The following MINPP1 variants were observed in gnomAD, a reference collection of about 807,000 sequenced individuals.
The protein encoded by MINPP1 is multiple inositol polyphosphate phosphatase 1.
In MINPP1, 28 loss-of-function variants were observed where a neutral mutation model predicts 46.1. That is an observed-to-expected ratio of 0.61 (90% CI 0.45 to 0.83). The LOEUF (loss-of-function observed/expected upper bound fraction) is 0.83, where lower values mean the gene tolerates loss of function less well. Among genes scored for constraint, MINPP1 ranks in the 40% least tolerant of loss-of-function variants. The probability of loss-of-function intolerance (pLI) is 0.00; values close to 1 mark genes in which losing one functional copy is unlikely to be tolerated. For synonymous variants in MINPP1, 268 were observed against 249.1 expected (o/e 1.08, Z -0.72); for missense variants, 603 against 610.0 (o/e 0.99, Z 0.12).
intron 4 of MINPP1, among the ~76,000 whole-genome samples, chr10:87,534,507 A>G (rs2131829728): frequency 6.6e-6 from 1 of 152,248 alleles, no homozygotes; most frequent in African/African-American, 2.4e-5. Flanking sequence ...GTTATTCATT[A>G]TTTCTGCACA....
intron 4 of MINPP1, among the ~76,000 whole-genome samples, chr10:87,528,331 C>A (rs949452161): frequency 3.3e-5 from 5 of 152,156 alleles, no homozygotes; most frequent in African/African-American, 1.2e-4. Flanking sequence ...TTCCTGCTTT[C>A]TCTTGTGGGC....
In MINPP1 at chr10:87,527,003, G is replaced by T. The variant is rs1851586758; in HGVS notation, c.1067+5834G>T. Among the ~76,000 whole-genome samples the T allele has an allele frequency of 3.3e-5, 5 of 152,184 alleles. No homozygotes were observed. The South Asian group carries it at 1.0e-3, about 32-fold the overall frequency. The stretch of plus-strand genomic sequence containing the variant: ...ATGATGCCTCCAGCTTTGTTCTTTT[G>T]GCTTAGGATTGTCTTGGCAATGTGG... On this transcript the variant is annotated intron_variant, in intron 4 of 4. Transcript: ENST00000371996.
At chr10:87,530,704 G>C (rs1851646910) in intron 4 of MINPP1, among the ~76,000 whole-genome samples, 1 of 152,194 alleles carries the variant, frequency 6.6e-6, no homozygotes, top group East Asian at 1.9e-4. Flanking sequence ...ACTCCGTGCT[G>C]GGAGAACCAG....
chr10:87,513,774 A>G (rs547541988), intron 3 of MINPP1, among the ~76,000 whole-genome samples: 8 of 152,292 alleles, frequency 5.3e-5, no homozygotes, highest in African/African-American at 1.2e-4. Flanking sequence ...AGTTACCACA[A>G]ACTTACTGGC....
intron 3 of MINPP1, among the ~76,000 whole-genome samples, chr10:87,520,057 A>AGTTGTGTGT (rs1554852418): frequency 2.0e-5 from 3 of 147,364 alleles, no homozygotes; most frequent in Non-Finnish European, 3.0e-5. Flanking sequence ...TAAAAGGTAT[A>AGTTGTGTGT]GTGTGTGTGT....
intron 4 of MINPP1, among the ~76,000 whole-genome samples, chr10:87,531,405 C>T (rs1447805672): frequency 6.6e-6 from 1 of 152,242 alleles, no homozygotes; most frequent in African/African-American, 2.4e-5. Flanking sequence ...ACTAATTGAG[C>T]ACTCCATTTT....
intron 4 of MINPP1, among the ~76,000 whole-genome samples, chr10:87,524,306 T>G (rs1851544477): frequency 6.6e-6 from 1 of 152,230 alleles, no homozygotes; most frequent in Admixed American, 6.5e-5. Context: ...AGCTTCTAAC[T>G]TTTCTTTTGC....
At chr10:87,512,370 T>G (rs1486861569) in intron 2 of MINPP1, among the ~76,000 whole-genome samples, 2 of 152,164 alleles carry the variant, frequency 1.3e-5, no homozygotes, top group African/African-American at 4.8e-5. Context: ...CATTTCTCTC[T>G]TTAGTGTGTG....
intron 4 of MINPP1, among the ~76,000 whole-genome samples, chr10:87,541,048 A>G: frequency 6.6e-6 from 1 of 152,252 alleles, no homozygotes; most frequent in East Asian, 1.9e-4. Flanking sequence ...AAGGTATCCA[A>G]GTCTCCATTT....
chr10:87,535,426 A>C (rs1338535328), intron 4 of MINPP1, among the ~76,000 whole-genome samples: 2 of 152,226 alleles, frequency 1.3e-5, no homozygotes, highest in Non-Finnish European at 1.5e-5. Context: ...CATCATGACA[A>C]TCATTCCAGG....
At chr10:87,506,589 G>A (rs1332897432) in intron 1 of MINPP1, among the ~76,000 whole-genome samples, 1 of 152,144 alleles carries the variant, frequency 6.6e-6, no homozygotes, top group Non-Finnish European at 1.5e-5. Context: ...CTGATTCAGA[G>A]CTTGCTTTCT....
chr10:87,505,543 G>C lies in MINPP1; in HGVS notation c.628G>C (p.Asp210His). 6.2e-7 allele frequency: 1 copy of C among 1,605,864 alleles called. No homozygotes were observed. The highest frequency in any genetic ancestry group is 8.5e-7 in the Non-Finnish European group (1 of 1,179,004). Residue 210 changes from aspartate to histidine, a missense_variant, in exon 1 of 5, where the codon GAC becomes CAC. By Grantham distance (81) the Asp-to-His change is moderately conservative. Transcript: ENST00000371996. The surrounding 1 kb of genome is among the most constrained non-coding windows in gnomAD (Gnocchi z 4.4). Reference protein sequence around the residue: ...QHYHPGLPPPDVADMEFGPPT... With the variant: ...QHYHPGLPPPHVADMEFGPPT... ...CTACCACCCTGGCTTGCCGCCGCCG[G>C]ACGTCGCAGGTGACCCCCCGGGCGG...
rs554431299 is a variant in MINPP1, at chr10:87,534,681, G to C, written c.1067+13512G>C. On this transcript the variant is annotated intron_variant, in intron 4 of 4. Coordinates refer to ENST00000371996, the MANE Select transcript of MINPP1 (RefSeq NM_004897.5). ...ACAGTAGAACCGGAAGGCAAATCTT[G>C]TTTCAGTTACTATTTTAAAAAAAGA... Among the ~76,000 whole-genome samples the C allele has an allele frequency of 5.0e-4, 76 of 152,170 alleles. 1 individual carries two copies. The highest frequency in any genetic ancestry group is 2.6e-3 in the Admixed American group (39 of 15,286).
chr10:87,513,772 C>T (rs942590882), intron 3 of MINPP1, among the ~76,000 whole-genome samples: 4 of 152,138 alleles, frequency 2.6e-5, no homozygotes, highest in Non-Finnish European at 5.9e-5. Context: ...CAAGTTACCA[C>T]AAACTTACTG....
At chr10:87,527,889 G>A (rs974957574) in intron 4 of MINPP1, among the ~76,000 whole-genome samples, 3 of 152,156 alleles carry the variant, frequency 2.0e-5, no homozygotes, top group East Asian at 3.8e-4. Flanking sequence ...TTCAGAGCCT[G>A]CTATTGGTCT....
At chr10:87,540,323 G>T (rs1489180823) in intron 4 of MINPP1, among the ~76,000 whole-genome samples, 1 of 152,162 alleles carries the variant, frequency 6.6e-6, no homozygotes, top group African/African-American at 2.4e-5. Context: ...CAAAATACAT[G>T]CAAGAGGTTT....
intron 4 of MINPP1, among the ~76,000 whole-genome samples, chr10:87,551,452 G>A (rs954874101): frequency 6.6e-6 from 1 of 151,750 alleles, no homozygotes; most frequent in Admixed American, 6.6e-5. Context: ...AAAAAGAATT[G>A]ATTCAGCTCA....
At chr10:87,540,719 A>G (rs1378592134) in intron 4 of MINPP1, among the ~76,000 whole-genome samples, 1 of 152,186 alleles carries the variant, frequency 6.6e-6, no homozygotes, top group Non-Finnish European at 1.5e-5. Flanking sequence ...TCAAATAGTG[A>G]TTGGGCATAT....
chr10:87,505,502 A>G lies in MINPP1; in HGVS notation c.587A>G (p.Gln196Arg). ...RCMDSSAAFL[Q>R]GLWQHYHPGL... Reference sequence around the variant, plus strand: ...ATGGATAGCAGCGCCGCCTTCCTGCAGGGGCTGTGGCAGCACTACCACCCT... The same window carrying G: ...ATGGATAGCAGCGCCGCCTTCCTGCGGGGGCTGTGGCAGCACTACCACCCT... The change falls in exon 1 of 5, where the codon CAG becomes CGG. Residue 196 changes from glutamine to arginine, a missense_variant. Gln to Arg is a conservative substitution (Grantham distance 43). Transcript: ENST00000371996. The surrounding 1 kb of genome is among the most constrained non-coding windows in gnomAD (Gnocchi z 4.4). 1.9e-6 allele frequency: 3 copies of G among 1,612,272 alleles called. No homozygotes were observed. In the East Asian group the frequency reaches 6.7e-5, roughly 36 times the overall value.
Sources: gnomAD v4.1 joint callset for allele counts (sites outside exome capture counted in the v4.1 genomes callset) on GRCh38, gnomAD v4.1.1 for gene constraint, Gnocchi (gnomAD v3.1) non-coding constraint, MANE v1.5 for transcripts, NCBI Gene and HGNC (gene_info 2026-07-23, HGNC 2026-07-21) for gene names.